Variants in CLSTN1 observed in about 807,000 individuals in gnomAD.
CLSTN1 encodes the protein calsyntenin 1, also known as calsyntenin-1.
CLSTN1 carries 28 observed loss-of-function variants against 108.3 expected under a neutral mutation model. That is an observed-to-expected ratio of 0.26 (90% CI 0.19 to 0.35). The LOEUF is 0.35. Ranked by LOEUF, CLSTN1 falls within the 10% of genes least tolerant of loss-of-function variation. The pLI is 1.00. For synonymous variants in CLSTN1, 524 were observed against 534.9 expected (o/e 0.98, Z 0.28); for missense variants, 1,157 against 1,302.6 (o/e 0.89, Z 1.72).
rs966896568 is a variant in CLSTN1, at chr1:9,808,554, G to T, written c.91+15089C>A. Among the ~76,000 whole-genome samples the T allele has an allele frequency of 3.9e-5, 6 of 152,132 alleles. 1 individual carries two copies. The highest frequency in any genetic ancestry group is 8.8e-5 in the Non-Finnish European group (6 of 68,028). On this transcript the variant is annotated intron_variant, in intron 1 of 18. Transcript: ENST00000377298. ...AATGGCTTAGGTACCAGGAAACAAT[G>T]TATCAAGACAAAGCTAGGTTGAGGC...
intron 16 of CLSTN1, among the ~76,000 whole-genome samples, chr1:9,732,392 G>C (rs950313585): frequency 1.3e-5 from 2 of 152,136 alleles, no homozygotes; most frequent in Non-Finnish European, 1.5e-5. Context: ...TTTTATAAAA[G>C]ATTATGCCCA....
chr1:9,816,372 G>A (rs1654969745), intron 1 of CLSTN1, among the ~76,000 whole-genome samples: 1 of 152,156 alleles, frequency 6.6e-6, no homozygotes, highest in Non-Finnish European at 1.5e-5. Flanking sequence ...GATGGAGAAT[G>A]ATTGCTAACA....
intron 1 of CLSTN1, among the ~76,000 whole-genome samples, chr1:9,822,742 G>A (rs935357313): frequency 1.3e-5 from 2 of 152,184 alleles, no homozygotes; most frequent in African/African-American, 4.8e-5. Flanking sequence ...AGGTTAAGTG[G>A]ATGAAGGTTA....
chr1:9,796,697 AAAAG>A (rs1276146202), intron 1 of CLSTN1, among the ~76,000 whole-genome samples: 1 of 152,152 alleles, frequency 6.6e-6, no homozygotes, highest in Non-Finnish European at 1.5e-5. Flanking sequence ...AAAAAGAAAG[AAAAG>A]AAAGATGGGT....
chr1:9,744,608 G>A lies in CLSTN1; in HGVS notation c.1021C>T (p.Pro341Ser), dbSNP rs1651159948. Residue 341 changes from proline to serine, a missense_variant, in exon 8 of 19, where the codon CCG becomes TCG. Pro to Ser is a moderately conservative substitution (Grantham distance 74). Coordinates refer to ENST00000377298, the MANE Select transcript of CLSTN1 (RefSeq NM_001009566.3). ...AAGTAELLPS[P>S]SGSLNWTMGL... Reference sequence around the variant, plus strand: ...ATGGTCCAGTTGAGGGATCCACTCGGGGATGGCAGCAGCTCGGCAGTGCCC... The same window carrying A: ...ATGGTCCAGTTGAGGGATCCACTCGAGGATGGCAGCAGCTCGGCAGTGCCC... 1.9e-6 allele frequency: 3 copies of A among 1,613,018 alleles called. No individual in the cohort carries two copies. The highest frequency in any genetic ancestry group is 1.3e-5 in the African/African-American group (1 of 74,914).
chr1:9,783,331 C>A (rs1444724929), intron 1 of CLSTN1, among the ~76,000 whole-genome samples: 2 of 152,112 alleles, frequency 1.3e-5, no homozygotes, highest in African/African-American at 2.4e-5. Flanking sequence ...ATAATCCCAA[C>A]ACTTTGGGAG....
In CLSTN1 at chr1:9,734,868, CAAAG is replaced by C; in HGVS notation, c.2110+76_2110+79del. Reference sequence around the variant, plus strand: ...AAAACCTCCCCAAATCCCACAGAGACAAAGAGCCCCGCCAAGTACATGGGGACAA... The same window carrying C: ...AAAACCTCCCCAAATCCCACAGAGACAGCCCCGCCAAGTACATGGGGACAA... On this transcript the variant is annotated intron_variant, in intron 14 of 18. Coordinates refer to ENST00000377298, the MANE Select transcript of CLSTN1 (RefSeq NM_001009566.3). The surrounding 1 kb of genome is among the most constrained non-coding windows in gnomAD (Gnocchi z 4.8). 8.2e-7 allele frequency: 1 copy of C among 1,225,584 alleles called. No individual in the cohort carries two copies. Among genetic ancestry groups the C allele is most frequent in the Non-Finnish European group, 1.2e-6 (1 of 838,402 alleles). 75.9% of individuals were successfully genotyped at this position (1,225,584 alleles called of 1,614,324 possible).
In CLSTN1 at chr1:9,744,301, G is replaced by A. The variant is rs1006860687; in HGVS notation, c.1234+94C>T. Reference sequence around the variant, plus strand: ...CACATGGCCTACGAGCACCAGGCTGGCAGGGGACCCTGGGAAAGGAGAGGG... The same window carrying A: ...CACATGGCCTACGAGCACCAGGCTGACAGGGGACCCTGGGAAAGGAGAGGG... On this transcript the variant is annotated intron_variant, in intron 8 of 18. Coordinates refer to ENST00000377298, the MANE Select transcript of CLSTN1 (RefSeq NM_001009566.3). 5.3e-6 allele frequency: 8 copies of A among 1,496,782 alleles called. No homozygotes were observed. In the African/African-American group the frequency reaches 1.1e-4, roughly 21 times the overall value. 92.7% of individuals were successfully genotyped at this position (1,496,782 alleles called of 1,614,324 possible).
At chr1:9,800,739 AT>A (rs764891997) in intron 1 of CLSTN1, among the ~76,000 whole-genome samples, 3 of 146,494 alleles carry the variant, frequency 2.0e-5, no homozygotes, top group East Asian at 3.9e-4. Context: ...CAAAAAAAAA[AT>A]AAAAATAAAA....
At chr1:9,781,246 T>TG in intron 1 of CLSTN1, 4 of 764,664 alleles carry the variant, frequency 5.2e-6, no homozygotes, top group Non-Finnish European at 6.9e-6. Context: ...GCTGATTTTC[T>TG]GGGGAAATTC....
chr1:9,787,979 G>C (rs777623533), intron 1 of CLSTN1, among the ~76,000 whole-genome samples: 2 of 151,366 alleles, frequency 1.3e-5, no homozygotes, highest in African/African-American at 2.4e-5. Context: ...TAAGGGTCCG[G>C]CGTGGTGGCT....
rs541201476 is a variant in CLSTN1, at chr1:9,753,502, T to A, written c.440+1612A>T. ...CCACCAGCAGTGACTAATTTTTTTT[T>A]TTTTTTGAGACGGAGTTTCATTCTT... On this transcript the variant is annotated intron_variant, in intron 4 of 18. Transcript: ENST00000377298. Among the ~76,000 whole-genome samples, 16 of 152,100 alleles carry A rather than the reference T, an allele frequency of 1.1e-4. No individual in the cohort carries two copies. The East Asian group carries it at 3.1e-3, about 29-fold the overall frequency.
intron 2 of CLSTN1, among the ~76,000 whole-genome samples, chr1:9,766,758 T>C (rs1173951235): frequency 1.3e-5 from 2 of 152,198 alleles, no homozygotes; most frequent in Non-Finnish European, 2.9e-5. Flanking sequence ...AACAAGAAAC[T>C]GAATCATTTA....
In CLSTN1 at chr1:9,751,522, G is replaced by A. The variant is rs2101110077; in HGVS notation, c.600C>T (p.Cys200=). The A allele has an allele frequency of 3.1e-6, 5 of 1,614,148 alleles. No homozygotes were observed. Among genetic ancestry groups the A allele is most frequent in the Non-Finnish European group, 4.2e-6 (5 of 1,180,020 alleles). The change falls in exon 5 of 19, where the codon TGC becomes TGT. Residue 200 remains cysteine (C), a synonymous_variant. Transcript: ENST00000377298. ...ADCSPQFSQI[C]SYEIITPDVP... is the part of the protein sequence containing the mutation. ...CGTCTGGAGTGATGATTTCGTAGCT[G>A]CAAATCTGGCTGAACTGAGGGGAGC...
chr1:9,741,028 G>A lies in CLSTN1; in HGVS notation c.1519+66C>T, dbSNP rs188760954. ...TGTAGGATACCGATCACAGCCTGCTGCCACCAACCTAGTAAAGAGGTACAA... is the reference window on the plus strand; with the variant it reads ...TGTAGGATACCGATCACAGCCTGCTACCACCAACCTAGTAAAGAGGTACAA... On this transcript the variant is annotated intron_variant, in intron 10 of 18. Coordinates refer to ENST00000377298, the MANE Select transcript of CLSTN1 (RefSeq NM_001009566.3). 253 of 1,540,446 alleles carry A rather than the reference G, an allele frequency of 1.6e-4. 1 individual carries two copies. In the African/African-American group the frequency reaches 3.1e-3, roughly 19 times the overall value.
At chr1:9,762,157 G>A (rs939952270) in intron 2 of CLSTN1, among the ~76,000 whole-genome samples, 6 of 152,114 alleles carry the variant, frequency 3.9e-5, no homozygotes, top group African/African-American at 9.7e-5. Flanking sequence ...AACGGATCAC[G>A]GGGCTGTAAA....
At chr1:9,789,039 G>C (rs1378341073) in intron 1 of CLSTN1, among the ~76,000 whole-genome samples, 2 of 151,394 alleles carry the variant, frequency 1.3e-5, no homozygotes, top group Non-Finnish European at 2.9e-5. Flanking sequence ...ATGATGTTCC[G>C]TTAGAAGGAT....
rs528895645 is a variant in CLSTN1 at position 9,749,867 on chromosome 1, T to G, written c.696A>C (p.Gln232His). Reference protein sequence around the residue: ...TEKLNYGKEHQYKLTVTAYDC... With the variant: ...TEKLNYGKEHHYKLTVTAYDC... ...CATAGGCAGTGACGGTCAGCTTATA[T>G]TGATGTTCTTTCCCGTAGTTTAATT... Residue 232 changes from glutamine to histidine, a missense_variant, in exon 6 of 19, where the codon CAA becomes CAC. Physicochemically the swap from Gln to His is conservative, Grantham distance 24. Transcript: ENST00000377298. 4 of 1,613,990 alleles carry G rather than the reference T, an allele frequency of 2.5e-6. No homozygotes were observed. The highest frequency in any genetic ancestry group is 3.4e-6 in the Non-Finnish European group (4 of 1,179,884).
intron 1 of CLSTN1, among the ~76,000 whole-genome samples, chr1:9,777,693 T>C (rs1220813928): frequency 6.6e-6 from 1 of 152,170 alleles, no homozygotes; most frequent in African/African-American, 2.4e-5. Flanking sequence ...AAATCTTTGT[T>C]GTCCACCTTC....
Sources: allele counts gnomAD v4.1 joint callset (sites outside exome capture counted in the v4.1 genomes callset), GRCh38; gene constraint gnomAD v4.1.1; non-coding constraint Gnocchi (gnomAD v3.1); transcripts MANE v1.5; gene names NCBI Gene and HGNC (gene_info 2026-07-23, HGNC 2026-07-21).